Variants in SPMIP2 observed in about 807,000 individuals in gnomAD.
SPMIP2 encodes protein SPMIP2.
At chr4:159,063,448 G>A in the SPMIP2 span, among the ~76,000 whole-genome samples, 1 of 152,190 alleles carries the variant, frequency 6.6e-6, no homozygotes, top group South Asian at 2.1e-4. Flanking sequence ...TACCCAGGAG[G>A]CTAAGGCAGG....
At chr4:158,901,432 A>C in the SPMIP2 span, among the ~76,000 whole-genome samples, 1 of 151,328 alleles carries the variant, frequency 6.6e-6, no homozygotes, top group East Asian at 1.9e-4. Context: ...TTTTTCCTTC[A>C]TTTCAACCTC....
chr4:158,964,328 C>A, the SPMIP2 span, among the ~76,000 whole-genome samples: 1 of 150,758 alleles, frequency 6.6e-6, no homozygotes, highest in South Asian at 2.1e-4. Flanking sequence ...CTTCCACAAC[C>A]ATATGAACTT....
chr4:158,958,105 C>G, the SPMIP2 span, among the ~76,000 whole-genome samples: 1 of 152,064 alleles, frequency 6.6e-6, no homozygotes, highest in Non-Finnish European at 1.5e-5. Flanking sequence ...GTTCCTCCCC[C>G]ACCTCACCTC....
the SPMIP2 span, among the ~76,000 whole-genome samples, chr4:159,060,864 C>A: frequency 2.0e-5 from 3 of 152,050 alleles, no homozygotes; most frequent in Non-Finnish European, 2.9e-5. Flanking sequence ...GCAGGCAGAT[C>A]ACTTGAGCCC....
the SPMIP2 span, among the ~76,000 whole-genome samples, chr4:158,932,942 A>AT: frequency 6.6e-6 from 1 of 152,204 alleles, no homozygotes; most frequent in Non-Finnish European, 1.5e-5. Flanking sequence ...TGTTTCTCAA[A>AT]TGAATGCTCC....
At chr4:158,977,600 C>T in the SPMIP2 span, among the ~76,000 whole-genome samples, 312 of 72,186 alleles carry the variant, frequency 4.3e-3, no homozygotes, top group South Asian at 9.5e-3. Flanking sequence ...TCCTTCAGTT[C>T]TTTTTTTTTT....
chr4:159,019,203 C>G, the SPMIP2 span, among the ~76,000 whole-genome samples: 23 of 148,164 alleles, frequency 1.6e-4, no homozygotes, highest in Admixed American at 1.5e-3. Context: ...CTGTGATATA[C>G]CCAAGTGGAT....
At chr4:158,987,234 G>A in the SPMIP2 span, among the ~76,000 whole-genome samples, 1 of 151,376 alleles carries the variant, frequency 6.6e-6, no homozygotes, top group Non-Finnish European at 1.5e-5. Flanking sequence ...CAATTCCTCA[G>A]GGATCTAGAA....
chr4:158,960,458 T>C, the SPMIP2 span: 3 of 600,556 alleles, frequency 5.0e-6, no homozygotes, highest in Admixed American at 3.5e-5. Flanking sequence ...AAATAGAAAA[T>C]GCTAAATTCA....
chr4:159,020,808 C>T, the SPMIP2 span, among the ~76,000 whole-genome samples: 6 of 152,194 alleles, frequency 3.9e-5, no homozygotes, highest in Admixed American at 2.0e-4. Context: ...GTTGCCCAGG[C>T]TGGAGTGCAG....
the SPMIP2 span, among the ~76,000 whole-genome samples, chr4:158,939,696 G>A: frequency 1.3e-5 from 2 of 151,928 alleles, no homozygotes; most frequent in Admixed American, 1.3e-4. Context: ...AAAAAACTGG[G>A]GCCGGGTGTG....
At chr4:158,954,271 G>T in the SPMIP2 span, among the ~76,000 whole-genome samples, 2 of 152,142 alleles carry the variant, frequency 1.3e-5, no homozygotes, top group African/African-American at 4.8e-5. Flanking sequence ...TAGTGAATAA[G>T]TCTTACAAGA....
At chr4:158,992,484 T>TA in the SPMIP2 span, among the ~76,000 whole-genome samples, 193 of 152,302 alleles carry the variant, frequency 1.3e-3, no homozygotes, top group African/African-American at 4.1e-3. Flanking sequence ...TGAGAGTAGA[T>TA]ATTTATCTGT....
the SPMIP2 span, among the ~76,000 whole-genome samples, chr4:158,902,621 TG>T: frequency 2.0e-5 from 3 of 152,208 alleles, no homozygotes; most frequent in Admixed American, 1.3e-4. Flanking sequence ...CCCAAAGAGA[TG>T]GGGGTTTTAT....
chr4:159,047,696 G>A, the SPMIP2 span, among the ~76,000 whole-genome samples: 1 of 152,142 alleles, frequency 6.6e-6, no homozygotes, highest in Non-Finnish European at 1.5e-5. Context: ...TACCAAACAA[G>A]CTCTGCAGAA....
chr4:158,983,679 A>G, the SPMIP2 span, among the ~76,000 whole-genome samples: 2 of 87,354 alleles, frequency 2.3e-5, no homozygotes, highest in African/African-American at 4.6e-5. Flanking sequence ...GGTACCAGCC[A>G]CTGCAAAATC....
chr4:159,034,295 C>T, the SPMIP2 span, among the ~76,000 whole-genome samples: 1 of 152,310 alleles, frequency 6.6e-6, no homozygotes, highest in South Asian at 2.1e-4. Flanking sequence ...AAAACTCAAA[C>T]CAATCACTTT....
the SPMIP2 span, among the ~76,000 whole-genome samples, chr4:159,082,449 C>CTCTCTG: frequency 2.9e-4 from 32 of 111,658 alleles, no homozygotes; most frequent in African/African-American, 9.8e-4. Context: ...CCACTTTTCT[C>CTCTCTG]TGTGTGTGTG....
chr4:158,949,961 T>TG, the SPMIP2 span, among the ~76,000 whole-genome samples: 2,927 of 152,334 alleles, frequency 0.019, 79 homozygotes, highest in African/African-American at 0.06. Flanking sequence ...TAGTTAATTC[T>TG]GGTCCTTTAA....
Sources: allele counts gnomAD v4.1 joint callset (sites outside exome capture counted in the v4.1 genomes callset), GRCh38; gene constraint gnomAD v4.1.1; transcripts MANE v1.5; gene names NCBI Gene and HGNC (gene_info 2026-07-23, HGNC 2026-07-21).